KCND2: variants seen among roughly 807,000 people sequenced by gnomAD.
KCND2 encodes the protein A-type voltage-gated potassium channel KCND2.
Under a neutral mutation model 54.4 loss-of-function variants are expected in KCND2, and 16 were observed. The observed-to-expected ratio is 0.29, with a 90% CI of 0.20 to 0.45. The LOEUF (loss-of-function observed/expected upper bound fraction) is 0.45, where lower values mean the gene tolerates loss of function less well. KCND2 is among the 20% of genes least tolerant of loss of function. The pLI is 1.00. For missense variants in KCND2, 486 were observed against 824.2 expected, an observed-to-expected ratio of 0.59 and a Z score of 5.02; for synonymous variants, 317 against 310.7, an observed-to-expected ratio of 1.02 and a Z score of -0.21.
rs1245779016 is a variant in KCND2 at position 120,275,158 on chromosome 7, G to A, written c.526G>A (p.Glu176Lys). 1.2e-6 allele frequency: 2 copies of A among 1,613,848 alleles called. No homozygotes were observed. Among genetic ancestry groups the A allele is most frequent in the Admixed American group, 1.7e-5 (1 of 59,990 alleles). ...AAGGCAGAGGGTCTGGAGGGCCTTC[G>A]AGAACCCCCACACCAGCACGATGGC... ...TARQRVWRAF[E>K]NPHTSTMALV... is the part of the protein sequence containing the mutation. The change falls in exon 1 of 6, where the codon GAG (glutamate) becomes AAG (lysine). Residue 176 changes from glutamate (E) to lysine (K), a missense_variant. Physicochemically the swap from Glu to Lys is moderately conservative, Grantham distance 56. Around this residue, in one of 7 missense-constraint regions of KCND2, gnomAD observed 231 missense variants for 386.0 expected, o/e 0.60. Transcript: ENST00000331113.
intron 1 of KCND2, among the ~76,000 whole-genome samples, chr7:120,346,200 G>T (rs1298229325): frequency 2.0e-5 from 3 of 152,052 alleles, no homozygotes; most frequent in African/African-American, 7.2e-5. Flanking sequence ...TTGTTGTTGA[G>T]CTGCAGGGAT....
chr7:120,713,730 CAAACT>C (rs1331996664), intron 1 of KCND2, among the ~76,000 whole-genome samples: 1 of 152,086 alleles, frequency 6.6e-6, no homozygotes, highest in African/African-American at 2.4e-5. Flanking sequence ...TTTCCTGAAA[CAAACT>C]AAAGTAACAA....
intron 1 of KCND2, among the ~76,000 whole-genome samples, chr7:120,597,237 T>C (rs1270027567): frequency 6.6e-6 from 1 of 152,040 alleles, no homozygotes; most frequent in East Asian, 1.9e-4. Context: ...TGATGTCTGA[T>C]TGGATGTAGA....
chr7:120,349,549 C>T (rs1164749541), intron 1 of KCND2, among the ~76,000 whole-genome samples: 2 of 151,718 alleles, frequency 1.3e-5, no homozygotes, highest in Non-Finnish European at 2.9e-5. Flanking sequence ...TTTTTTTTTC[C>T]TGGAGTAAAT....
chr7:120,662,922 C>T (rs1314687535), intron 1 of KCND2, among the ~76,000 whole-genome samples: 2 of 152,128 alleles, frequency 1.3e-5, no homozygotes, highest in Admixed American at 1.3e-4. Flanking sequence ...GCTAGGAAAA[C>T]GTTTCAACAG....
At chr7:120,648,417 A>G (rs533741143) in intron 1 of KCND2, among the ~76,000 whole-genome samples, 9 of 152,268 alleles carry the variant, frequency 5.9e-5, no homozygotes, top group African/African-American at 2.2e-4. Context: ...AAATGAAGGA[A>G]TATATGCTAA....
intron 1 of KCND2, among the ~76,000 whole-genome samples, chr7:120,489,868 C>A (rs1391158512): frequency 6.6e-6 from 1 of 152,096 alleles, no homozygotes; most frequent in South Asian, 2.1e-4. Flanking sequence ...CATGATAATT[C>A]TAGCATAAAT....
intron 1 of KCND2, among the ~76,000 whole-genome samples, chr7:120,576,081 C>T (rs1317648009): frequency 6.6e-6 from 1 of 151,962 alleles, no homozygotes; most frequent in Non-Finnish European, 1.5e-5. Flanking sequence ...AAAAAATTAC[C>T]CCCCAAAAGT....
At chr7:120,458,754 T>C (rs1802238242) in intron 1 of KCND2, among the ~76,000 whole-genome samples, 2 of 152,080 alleles carry the variant, frequency 1.3e-5, no homozygotes, top group African/African-American at 2.4e-5. Context: ...AATGTCATTC[T>C]TTAATCTTTT....
intron 1 of KCND2, among the ~76,000 whole-genome samples, chr7:120,644,349 A>G (rs980676667): frequency 5.3e-5 from 8 of 152,168 alleles, no homozygotes; most frequent in African/African-American, 1.9e-4. Flanking sequence ...GCCAGACTAT[A>G]CTACAAAATA....
chr7:120,617,162 A>T (rs1462529394), intron 1 of KCND2, among the ~76,000 whole-genome samples: 8 of 152,214 alleles, frequency 5.3e-5, no homozygotes, highest in African/African-American at 1.9e-4. Flanking sequence ...AACATTTTGT[A>T]TGTGAAACAG....
chr7:120,558,900 A>G (rs1473553390), intron 1 of KCND2, among the ~76,000 whole-genome samples: 1 of 152,160 alleles, frequency 6.6e-6, no homozygotes, highest in African/African-American at 2.4e-5. Context: ...AAGGAGATGA[A>G]TGGTCCATAG....
At chr7:120,692,775 T>A (rs916397199) in intron 1 of KCND2, among the ~76,000 whole-genome samples, 3 of 152,222 alleles carry the variant, frequency 2.0e-5, no homozygotes, top group Non-Finnish European at 4.4e-5. Flanking sequence ...GGGAGAGGAT[T>A]CAGCCCCTGT....
chr7:120,688,057 A>G (rs1319090406), intron 1 of KCND2, among the ~76,000 whole-genome samples: 1 of 152,154 alleles, frequency 6.6e-6, no homozygotes, highest in Non-Finnish European at 1.5e-5. Flanking sequence ...AGTCACACAC[A>G]TGGGTGAATG....
chr7:120,309,607 G>A (rs1035875394), intron 1 of KCND2, among the ~76,000 whole-genome samples: 4 of 151,060 alleles, frequency 2.6e-5, no homozygotes, highest in Non-Finnish European at 5.9e-5. Flanking sequence ...TGCCAGCTGT[G>A]TTCTAAGTAT....
intron 1 of KCND2, among the ~76,000 whole-genome samples, chr7:120,582,822 T>G (rs941490848): frequency 2.2e-4 from 34 of 152,130 alleles, no homozygotes; most frequent in African/African-American, 8.0e-4. Flanking sequence ...CATTCATATA[T>G]TTTTCTTCCT....
At chr7:120,647,574 AG>A (rs958635397) in intron 1 of KCND2, among the ~76,000 whole-genome samples, 1 of 152,186 alleles carries the variant, frequency 6.6e-6, no homozygotes, top group Non-Finnish European at 1.5e-5. Flanking sequence ...GTTTCTAGTC[AG>A]GTTGATACAG....
intron 1 of KCND2, among the ~76,000 whole-genome samples, chr7:120,633,181 T>G (rs1456731833): frequency 6.6e-6 from 1 of 152,204 alleles, no homozygotes; most frequent in Non-Finnish European, 1.5e-5. Context: ...TTTTTGAGAC[T>G]AAGTCAATTT....
At chr7:120,496,645 C>G (rs937516222) in intron 1 of KCND2, among the ~76,000 whole-genome samples, 13 of 151,978 alleles carry the variant, frequency 8.6e-5, no homozygotes, top group African/African-American at 2.7e-4. Flanking sequence ...AGGATGGTCT[C>G]TATCTCCTGA....
Sources: gnomAD v4.1 joint callset for allele counts (sites outside exome capture counted in the v4.1 genomes callset) on GRCh38, gnomAD v4.1.1 for gene constraint, gnomAD v4.1.1 regional missense constraint, MANE v1.5 for transcripts, NCBI Gene and HGNC (gene_info 2026-07-23, HGNC 2026-07-21) for gene names.